GDF3: variants seen among roughly 807,000 people sequenced by gnomAD.
GDF3 encodes growth/differentiation factor 3.
GDF3 carries 10 observed loss-of-function variants against 10.2 expected under a neutral mutation model. The ratio of observed to expected loss-of-function variants is 0.98; its 90% CI spans 0.60 to 1.66. The LOEUF is 1.66. Ranked by LOEUF, GDF3 falls within the 40% of genes most tolerant of loss-of-function variation. The pLI, the probability that GDF3 is intolerant of heterozygous loss-of-function variation, is 0.00. For missense variants in GDF3, 450 were observed against 438.3 expected (o/e 1.03, Z -0.24); for synonymous variants, 166 against 178.5 (o/e 0.93, Z 0.56).
rs1001548319 is a variant in GDF3, at chr12:7,691,585, A to C, written c.269-881T>G. Among the ~76,000 whole-genome samples the C allele has an allele frequency of 2.0e-5, 3 of 152,078 alleles. 1 individual carries two copies. Among genetic ancestry groups the C allele is most frequent in the Middle Eastern group, 6.8e-3 (2 of 294 alleles). ...TAAAAGAAAAGAAAAAGAAAAAAAA[A>C]AACAAAACACTTATGCTAACACTAT... On this transcript the variant is annotated intron_variant, in intron 1 of 1. Transcript: ENST00000329913.
chr12:7,691,955 C>T (rs759625431), intron 1 of GDF3, among the ~76,000 whole-genome samples: 1 of 151,366 alleles, frequency 6.6e-6, no homozygotes, highest in East Asian at 1.9e-4. Flanking sequence ...TGCAGTGAGC[C>T]AAGATCACGC....
At chr12:7,692,564 C>CACT (rs1324476979) in intron 1 of GDF3, among the ~76,000 whole-genome samples, 1 of 148,586 alleles carries the variant, frequency 6.7e-6, no homozygotes, top group East Asian at 2.0e-4. Context: ...GGCTGGAGTG[C>CACT]ACTGGCTTGA....
In GDF3 at chr12:7,690,011, TCAA is replaced by T. The variant is rs1334891664; in HGVS notation, c.959_961del (p.Val320del). 1 of 1,613,734 alleles carries T rather than the reference TCAA, an allele frequency of 6.2e-7. No homozygotes were observed. Among genetic ancestry groups the T allele is most frequent in the Non-Finnish European group, 8.5e-7 (1 of 1,179,930 alleles). ...ACACACAGCCTGGGGGATCTCTGGG[TCAA>T]CGGCATGCATCAGGGCTTGCATGAA... On this transcript the variant is annotated inframe_deletion, in exon 2 of 2. Coordinates refer to ENST00000329913, the MANE Select transcript of GDF3 (RefSeq NM_020634.3).
intron 1 of GDF3, among the ~76,000 whole-genome samples, chr12:7,691,956 A>G (rs182938071): frequency 6.8e-4 from 103 of 152,068 alleles, no homozygotes; most frequent in African/African-American, 2.1e-3. Flanking sequence ...GCAGTGAGCC[A>G]AGATCACGCC....
At chr12:7,694,038 T>C (rs181911468) in intron 1 of GDF3, among the ~76,000 whole-genome samples, 1 of 152,202 alleles carries the variant, frequency 6.6e-6, no homozygotes, top group Admixed American at 6.5e-5. Flanking sequence ...AGGGAGTACT[T>C]CAGGCAGCCT....
chr12:7,690,168 G>A lies in GDF3; in HGVS notation c.805C>T (p.Leu269=). ...SCKNLCHRHQ[L]FINFRDLGWH... ...CCCAGGTCCCGGAAGTTAATGAATA[G>A]CTGGTGACGGTGGCAGAGGTTCTTA... Residue 269 remains leucine, a synonymous_variant, in exon 2 of 2, where the codon CTA becomes TTA. Coordinates refer to ENST00000329913, the MANE Select transcript of GDF3 (RefSeq NM_020634.3). The A allele has an allele frequency of 6.2e-7, 1 of 1,614,172 alleles. No homozygotes were observed. Among genetic ancestry groups the A allele is most frequent in the Non-Finnish European group, 8.5e-7 (1 of 1,180,032 alleles).
At chr12:7,692,509 A>ATTTT (rs753587940) in intron 1 of GDF3, among the ~76,000 whole-genome samples, 2 of 135,696 alleles carry the variant, frequency 1.5e-5, no homozygotes, top group Non-Finnish European at 3.2e-5. Context: ...ATTGGCTTTA[A>ATTTT]TTTTTTTTTT....
At chr12:7,694,931 T>A (rs1230011335) in intron 1 of GDF3, among the ~76,000 whole-genome samples, 1 of 152,142 alleles carries the variant, frequency 6.6e-6, no homozygotes. Flanking sequence ...TAAAAGGATA[T>A]GACAGTTGTA....
rs1489168799 is a variant in GDF3 at position 7,690,392 on chromosome 12, G to A, written c.581C>T (p.Pro194Leu). The change falls in exon 2 of 2, where the codon CCC becomes CTC. Residue 194 changes from proline to leucine, a missense_variant. Pro to Leu is a moderately conservative substitution (Grantham distance 98). Coordinates refer to ENST00000329913, the MANE Select transcript of GDF3 (RefSeq NM_020634.3). ...LDVAKDWNDNPRKNFGLFLEI... is the reference protein window; with the variant it reads ...LDVAKDWNDNLRKNFGLFLEI... The stretch of plus-strand genomic sequence containing the variant: ...CAGGAATAACCCGAAATTTTTCCGG[G>A]GGTTGTCATTCCAATCCTTAGCTAC... 3 of 1,614,050 alleles carry A rather than the reference G, an allele frequency of 1.9e-6. No homozygotes were observed. In the South Asian group the frequency reaches 3.3e-5, roughly 18 times the overall value.
In GDF3 at chr12:7,695,647, C is replaced by T. The variant is rs977352073; in HGVS notation, c.82G>A (p.Val28Ile). 6.2e-7 allele frequency: 1 copy of T among 1,614,018 alleles called. No homozygotes were observed. The highest frequency in any genetic ancestry group is 8.5e-7 in the Non-Finnish European group (1 of 1,179,984). ...TCTAAGCCCAGAAATTGGAGAAAGA[C>T]ATATTCTTGAAATTGGACTGCCTGG... The part of the protein sequence containing the change: ...LGQAVQFQEY[V>I]FLQFLGLDKA... Residue 28 changes from valine (V) to isoleucine (I), a missense_variant, in exon 1 of 2, where the codon GTC becomes ATC. By Grantham distance (29) the Val-to-Ile change is conservative. Transcript: ENST00000329913.
chr12:7,690,497 G>A lies in GDF3; in HGVS notation c.476C>T (p.Thr159Ile). ...AAACATTTTACCTGGCTTAGGGGTG[G>A]TCTGGCCCCACACATGAGGCTCCTG... ...LVQEPHVWGQTTPKPGKMFVL... is the reference protein window; with the variant it reads ...LVQEPHVWGQITPKPGKMFVL... The change falls in exon 2 of 2, where the codon ACC (threonine) becomes ATC (isoleucine). Residue 159 changes from threonine (T) to isoleucine (I), a missense_variant. Thr to Ile is a moderately conservative substitution (Grantham distance 89, BLOSUM62 -1). Coordinates refer to ENST00000329913, the MANE Select transcript of GDF3 (RefSeq NM_020634.3). 1.9e-6 allele frequency: 3 copies of A among 1,613,680 alleles called. No homozygotes were observed. The highest frequency in any genetic ancestry group is 2.5e-6 in the Non-Finnish European group (3 of 1,179,662).
chr12:7,694,337 C>T (rs759844307), intron 1 of GDF3, among the ~76,000 whole-genome samples: 128 of 151,930 alleles, frequency 8.4e-4, no homozygotes, highest in African/African-American at 3.0e-3. Context: ...CTGAGGCAGG[C>T]GGATCACCTG....
At position 7,690,687 on chromosome 12, in the gene GDF3, T is replaced by C. The variant is rs922754786; in HGVS notation, c.286A>G (p.Lys96Glu). The C allele has an allele frequency of 1.2e-6, 2 of 1,609,522 alleles. No homozygotes were observed. Among genetic ancestry groups the C allele is most frequent in the East Asian group, 2.2e-5 (1 of 44,852 alleles). Residue 96 changes from lysine to glutamate, a missense_variant, in exon 2 of 2, where the codon AAG becomes GAG. Coordinates refer to ENST00000329913, the MANE Select transcript of GDF3 (RefSeq NM_020634.3). ...LPDQGFFLYP[K>E]KISQASSCLQ... ...CAGGAGGAAGCTTGGGAAATTTTCT[T>C]TGGGTAAAGAAAGAAACCTAGATGG...
At chr12:7,695,268 C>T (rs960271229) in intron 1 of GDF3, among the ~76,000 whole-genome samples, 193 bp downstream of exon 1, 2 of 152,168 alleles carry the variant, frequency 1.3e-5, no homozygotes, top group Admixed American at 1.3e-4. Context: ...ACTGTCTGAG[C>T]CTAATTTCCT....
intron 1 of GDF3, among the ~76,000 whole-genome samples, chr12:7,691,149 C>CAA (rs71038718): frequency 3.1e-4 from 37 of 120,772 alleles, no homozygotes; most frequent in African/African-American, 1.1e-3. Flanking sequence ...GACTCCGTCT[C>CAA]AAAAAAAAAA....
At position 7,690,076 on chromosome 12, in the gene GDF3, G is replaced by A; in HGVS notation, c.897C>T (p.Phe299=). Reference sequence around the variant, plus strand: ...AGCTGTTGAGAGAGATGGTCAGTGAGAAGGGACACTCTCCATGGCAGTAAT... The same window carrying A: ...AGCTGTTGAGAGAGATGGTCAGTGAAAAGGGACACTCTCCATGGCAGTAAT... ...MANYCHGECP[F]SLTISLNSSN... The change falls in exon 2 of 2, where the codon TTC becomes TTT. Residue 299 remains phenylalanine (F), a synonymous_variant. Coordinates refer to ENST00000329913, the MANE Select transcript of GDF3 (RefSeq NM_020634.3). 3 of 1,614,158 alleles carry A rather than the reference G, an allele frequency of 1.9e-6. No individual in the cohort carries two copies. Among genetic ancestry groups the A allele is most frequent in the Non-Finnish European group, 2.5e-6 (3 of 1,180,016 alleles).
rs538472770 is a variant in GDF3 at position 7,693,322 on chromosome 12, A to G, written c.268+2139T>C. 1.5e-3 allele frequency among the ~76,000 whole-genome samples: 219 copies of G among 149,384 alleles called. 1 individual carries two copies. The highest frequency in any genetic ancestry group is 2.4e-3 in the Non-Finnish European group (163 of 67,620). ...GGTGTTCAATCGATTTTCCTGCCTC[A>G]GCCTCCAGAGTAGCTGGAATTACAG... On this transcript the variant is annotated intron_variant, in intron 1 of 1. Coordinates refer to ENST00000329913, the MANE Select transcript of GDF3 (RefSeq NM_020634.3).
In GDF3 at chr12:7,689,844, T is replaced by G. The variant is rs1273343151; in HGVS notation, c.*34A>C. On this transcript the variant is annotated 3_prime_UTR_variant, in exon 2 of 2. Transcript: ENST00000329913. ...GGTAGTTTTATTAAAAGATTTACCC[T>G]AAGAACACTCCTTCTATTCCCATTT... 4 of 1,375,702 alleles carry G rather than the reference T, an allele frequency of 2.9e-6. No homozygotes were observed. Among genetic ancestry groups the G allele is most frequent in the Middle Eastern group, 1.8e-4 (1 of 5,660 alleles). 85.2% of individuals were successfully genotyped at this position (1,375,702 alleles called of 1,614,324 possible). A position where few individuals can be genotyped will look rare whatever the true frequency, so the allele number is the denominator to read the frequency against.
rs753587940 is a variant in GDF3, at chr12:7,692,509, A to AT, written c.269-1806dup. ...AGTCCAATCATTCAGATTGGCTTTAATTTTTTTTTTTTTTTTCTGAGACGG... is the reference window on the plus strand; with the variant it reads ...AGTCCAATCATTCAGATTGGCTTTAATTTTTTTTTTTTTTTTTCTGAGACGG... On this transcript the variant is annotated intron_variant, in intron 1 of 1. Coordinates refer to ENST00000329913, the MANE Select transcript of GDF3 (RefSeq NM_020634.3). Among the ~76,000 whole-genome samples the AT allele has an allele frequency of 5.1e-3, 694 of 135,678 alleles. 5 individuals are homozygous for AT. The highest frequency in any genetic ancestry group is 0.011 in the African/African-American group (405 of 37,164). The allele number at this position is 135,678 out of a possible 152,430, so 89.0% of individuals were successfully genotyped here.
Sources: allele counts gnomAD v4.1 joint callset (sites outside exome capture counted in the v4.1 genomes callset), GRCh38; gene constraint gnomAD v4.1.1; transcripts MANE v1.5; gene names NCBI Gene and HGNC (gene_info 2026-07-23, HGNC 2026-07-21).